The following CACHD1 variants were observed in gnomAD, a reference collection of about 807,000 sequenced individuals.
CACHD1 encodes the protein cache domain containing 1, also known as VWFA and cache domain-containing protein 1.
A neutral mutation model predicts 138.7 loss-of-function variants in CACHD1; 71 were observed. The observed-to-expected ratio is 0.51, with a 90% CI of 0.42 to 0.62. CACHD1 has a LOEUF of 0.62. Ranked by LOEUF, CACHD1 falls within the 20% of genes least tolerant of loss-of-function variation. CACHD1 has a pLI of 0.00. For synonymous variants in CACHD1, 578 were observed against 591.5 expected (o/e 0.98, Z 0.33); for missense variants, 1,389 against 1,625.3 (o/e 0.85, Z 2.50).
chr1:64,580,049 C>G (rs973810258), intron 2 of CACHD1: 4 of 151,738 alleles, frequency 2.6e-5, no homozygotes, highest in Non-Finnish European at 5.9e-5. Context: ...ATGTGAAAGT[C>G]TAGGAAAAGA....
intron 15 of CACHD1, among the ~76,000 whole-genome samples, chr1:64,665,846 T>A (rs1312361871): frequency 6.6e-6 from 1 of 151,888 alleles, no homozygotes; most frequent in Non-Finnish European, 1.5e-5. Flanking sequence ...CTACTAAAAA[T>A]ACAAAAAATT....
rs1364090612 is a variant in CACHD1 at position 64,691,575 on chromosome 1, TC to T, written c.*16del. 1.2e-6 allele frequency: 2 copies of T among 1,603,418 alleles called. No individual in the cohort carries two copies. The highest frequency in any genetic ancestry group is 4.5e-5 in the East Asian group (2 of 44,766). ...GCAGAATGCTAACAATCTCCTCACC[TC>T]CACGCCAAGATGAGATCTGGGAGCT... On this transcript the variant is annotated 3_prime_UTR_variant, in exon 27 of 27. Coordinates refer to ENST00000651257, the MANE Select transcript of CACHD1 (RefSeq NM_020925.4).
chr1:64,639,802 G>A (rs1648644455), intron 7 of CACHD1, among the ~76,000 whole-genome samples: 1 of 152,186 alleles, frequency 6.6e-6, no homozygotes, highest in South Asian at 2.1e-4. Flanking sequence ...AACACTCTGT[G>A]GCTTAATACA....
intron 14 of CACHD1, 34 bp downstream of exon 14, chr1:64,663,871 C>T (rs1649535266): frequency 1.2e-6 from 2 of 1,613,160 alleles, no homozygotes; most frequent in East Asian, 4.5e-5. Context: ...TTTCTGGTGT[C>T]CCCCTCCACA....
intron 7 of CACHD1, among the ~76,000 whole-genome samples, chr1:64,638,676 C>G (rs542777593): frequency 5.5e-4 from 84 of 152,148 alleles, no homozygotes; most frequent in African/African-American, 2.0e-3. Context: ...GATGTTGACC[C>G]CAAGACATGC....
chr1:64,633,365 C>T (rs369307747), intron 6 of CACHD1, among the ~76,000 whole-genome samples: 28 of 152,250 alleles, frequency 1.8e-4, no homozygotes, highest in African/African-American at 6.7e-4. Flanking sequence ...TCGTAACTAC[C>T]ACCAAGCTTA....
intron 9 of CACHD1, among the ~76,000 whole-genome samples, chr1:64,651,929 A>G (rs1649109495): frequency 6.6e-6 from 1 of 151,986 alleles, no homozygotes; most frequent in Non-Finnish European, 1.5e-5. Context: ...CTCCTTTTAA[A>G]TTAACTGCGC....
At chr1:64,617,772 C>T (rs1322637729) in intron 4 of CACHD1, among the ~76,000 whole-genome samples, 2 of 152,164 alleles carry the variant, frequency 1.3e-5, no homozygotes, top group Non-Finnish European at 2.9e-5. Context: ...AGCAGAATAT[C>T]CTCAGCTTAG....
At chr1:64,681,550 T>G (rs992028829) in intron 25 of CACHD1, among the ~76,000 whole-genome samples, 2 of 115,130 alleles carry the variant, frequency 1.7e-5, no homozygotes, top group African/African-American at 2.7e-5. Context: ...TGTTTTTTTT[T>G]TTTTTTTTTT....
chr1:64,527,159 C>T (rs767283816), intron 1 of CACHD1, among the ~76,000 whole-genome samples: 2 of 152,166 alleles, frequency 1.3e-5, no homozygotes, highest in Non-Finnish European at 2.9e-5. Context: ...TGGATGAGTG[C>T]AAGTGCAGGA....
chr1:64,507,198 G>A (rs1646384039), intron 1 of CACHD1, among the ~76,000 whole-genome samples: 1 of 152,158 alleles, frequency 6.6e-6, no homozygotes, highest in East Asian at 1.9e-4. Context: ...TACCTCCCCG[G>A]AACCTCTCCT....
chr1:64,597,341 T>A (rs181304779), intron 3 of CACHD1, among the ~76,000 whole-genome samples: 157 of 152,100 alleles, frequency 1.0e-3, no homozygotes, highest in Non-Finnish European at 2.0e-3. Context: ...TGTCTGAAGT[T>A]CAAAGCAGTT....
intron 5 of CACHD1, among the ~76,000 whole-genome samples, 157 bp downstream of exon 5, chr1:64,629,638 A>G (rs1648232693): frequency 6.6e-6 from 1 of 152,052 alleles, no homozygotes; most frequent in Non-Finnish European, 1.5e-5. Context: ...GTATATGTGG[A>G]TGTGAAATTC....
intron 1 of CACHD1, among the ~76,000 whole-genome samples, chr1:64,509,064 A>C (rs888500570): frequency 6.6e-6 from 1 of 152,196 alleles, no homozygotes; most frequent in Non-Finnish European, 1.5e-5. Flanking sequence ...GAGAAAAAGC[A>C]ATAGGGCCAC....
chr1:64,551,682 C>G (rs1646760233), intron 2 of CACHD1, among the ~76,000 whole-genome samples: 5 of 152,140 alleles, frequency 3.3e-5, no homozygotes, highest in Admixed American at 2.6e-4. Context: ...TTGTAGGATA[C>G]TTATTTACTT....
At chr1:64,572,237 AT>A (rs1553134444) in intron 2 of CACHD1, among the ~76,000 whole-genome samples, 2 of 151,802 alleles carry the variant, frequency 1.3e-5, no homozygotes, top group African/African-American at 2.4e-5. Context: ...CAGCTTCTCG[AT>A]TTTTTTTCTA....
In CACHD1 at chr1:64,681,344, T is replaced by C; in HGVS notation, c.3484+9T>C. On this transcript the variant is annotated intron_variant, in intron 25 of 26. Transcript: ENST00000651257. ...CGAAGACAGAGGCATCAGTGAGTAT[T>C]CAGCTGCCTTGCTGCAGAATGTGTC... 6.2e-7 allele frequency: 1 copy of C among 1,606,440 alleles called. No individual in the cohort carries two copies. The highest frequency in any genetic ancestry group is 8.5e-7 in the Non-Finnish European group (1 of 1,173,196).
intron 1 of CACHD1, among the ~76,000 whole-genome samples, chr1:64,502,556 A>G (rs1557464322): frequency 6.6e-6 from 1 of 151,462 alleles, no homozygotes. Context: ...GCATGCATCT[A>G]TGTGTGTGTG....
chr1:64,533,623 G>T (rs1646606610), intron 1 of CACHD1, among the ~76,000 whole-genome samples: 2 of 152,034 alleles, frequency 1.3e-5, no homozygotes, highest in African/African-American at 4.8e-5. Flanking sequence ...GTACAATTGT[G>T]CCATTTATGA....
Sources: gnomAD v4.1 joint callset for allele counts (sites outside exome capture counted in the v4.1 genomes callset) on GRCh38, gnomAD v4.1.1 for gene constraint, MANE v1.5 for transcripts, NCBI Gene and HGNC (gene_info 2026-07-23, HGNC 2026-07-21) for gene names.